ARL15: variants seen among roughly 807,000 people sequenced by gnomAD.
ARL15 encodes ADP-ribosylation factor-like protein 15.
ARL15 carries 19 observed loss-of-function variants against 25.2 expected under a neutral mutation model. That is an observed-to-expected ratio of 0.75 (90% CI 0.53 to 1.10). The LOEUF (loss-of-function observed/expected upper bound fraction) is 1.10, where lower values mean the gene tolerates loss of function less well. ARL15 is among the 50% of genes least tolerant of loss of function. The pLI is 0.00. For missense variants in ARL15, 220 were observed against 246.0 expected, an observed-to-expected ratio of 0.89 and a Z score of 0.71; for synonymous variants, 94 against 86.8, an observed-to-expected ratio of 1.08 and a Z score of -0.46.
chr5:54,304,997 C>A (rs1758718962), intron 1 of ARL15, among the ~76,000 whole-genome samples: 1 of 152,066 alleles, frequency 6.6e-6, no homozygotes. Context: ...TCATGGGTTT[C>A]TATTGTTGGT....
intron 1 of ARL15, among the ~76,000 whole-genome samples, chr5:54,300,943 AC>A (rs1453141392): frequency 6.6e-6 from 1 of 151,992 alleles, no homozygotes; most frequent in East Asian, 1.9e-4. Context: ...AAAACACAGA[AC>A]CCCTGAAGTC....
intron 4 of ARL15, among the ~76,000 whole-genome samples, chr5:54,010,045 A>G (rs180949324): frequency 1.4e-3 from 211 of 152,314 alleles, no homozygotes; most frequent in Admixed American, 2.3e-3. Flanking sequence ...CCACAAAGAA[A>G]GGGAGAATGA....
At chr5:54,202,609 T>C (rs1755754499) in intron 1 of ARL15, among the ~76,000 whole-genome samples, 1 of 152,190 alleles carries the variant, frequency 6.6e-6, no homozygotes, top group Admixed American at 6.6e-5. Context: ...CCACCAGAAC[T>C]GCAAAGTAAT....
chr5:54,127,507 G>T (rs1163319808), intron 3 of ARL15, among the ~76,000 whole-genome samples: 2 of 149,938 alleles, frequency 1.3e-5, no homozygotes, highest in African/African-American at 4.9e-5. Context: ...CACTGCTCAA[G>T]GAAATAAAAG....
intron 4 of ARL15, among the ~76,000 whole-genome samples, chr5:53,892,601 C>CTTTT (rs70986647): frequency 1.4e-5 from 2 of 141,206 alleles, no homozygotes; most frequent in African/African-American, 2.6e-5. Flanking sequence ...ATTACTGTTA[C>CTTTT]TTTTTTTTTT....
intron 4 of ARL15, among the ~76,000 whole-genome samples, chr5:54,071,171 A>C (rs78920658): frequency 2.6e-5 from 2 of 75,782 alleles, no homozygotes; most frequent in Admixed American, 2.2e-4. Flanking sequence ...CCCTGTCTCA[A>C]AAAAAAAAAA....
intron 3 of ARL15, among the ~76,000 whole-genome samples, chr5:54,140,227 T>C (rs1753727214): frequency 7.0e-6 from 1 of 143,736 alleles, no homozygotes; most frequent in Non-Finnish European, 1.5e-5. Context: ...GATTAATTGA[T>C]ATCTAAATAC....
At chr5:53,904,827 C>T (rs1388478084) in intron 4 of ARL15, among the ~76,000 whole-genome samples, 2 of 145,312 alleles carry the variant, frequency 1.4e-5, no homozygotes, top group Non-Finnish European at 3.0e-5. Flanking sequence ...CTCCCGGGTT[C>T]AAGCAATTCT....
At chr5:53,892,544 A>G (rs1408672558) in intron 4 of ARL15, among the ~76,000 whole-genome samples, 1 of 151,784 alleles carries the variant, frequency 6.6e-6, no homozygotes, top group Non-Finnish European at 1.5e-5. Flanking sequence ...AACTATAGGA[A>G]TCATGGTTTT....
chr5:54,205,354 T>C (rs1186065069), intron 1 of ARL15, among the ~76,000 whole-genome samples: 1 of 152,160 alleles, frequency 6.6e-6, no homozygotes, highest in African/African-American at 2.4e-5. Flanking sequence ...ACGAGTCTAA[T>C]CTGCTTTCAA....
At chr5:54,019,566 T>C (rs1749530964) in intron 4 of ARL15, among the ~76,000 whole-genome samples, 2 of 152,218 alleles carry the variant, frequency 1.3e-5, no homozygotes, top group South Asian at 4.1e-4. Flanking sequence ...ATGAAGTCAC[T>C]GAATTATCTC....
intron 4 of ARL15, among the ~76,000 whole-genome samples, chr5:53,919,665 T>A (rs555121718): frequency 6.6e-6 from 1 of 151,876 alleles, no homozygotes; most frequent in Admixed American, 6.6e-5. Flanking sequence ...CATGGTCTAT[T>A]TCTACTGAAT....
At chr5:54,149,033 G>A (rs1753990103) in intron 3 of ARL15, among the ~76,000 whole-genome samples, 1 of 152,094 alleles carries the variant, frequency 6.6e-6, no homozygotes, top group Admixed American at 6.5e-5. Context: ...CTGCAGTGTG[G>A]ACAACTGCTT....
At chr5:53,989,058 T>C (rs1219638303) in intron 4 of ARL15, among the ~76,000 whole-genome samples, 1 of 152,146 alleles carries the variant, frequency 6.6e-6, no homozygotes, top group Non-Finnish European at 1.5e-5. Context: ...ATAACAGGAT[T>C]TGGGGAGGAG....
intron 4 of ARL15, among the ~76,000 whole-genome samples, chr5:53,983,237 C>G (rs1039341798): frequency 3.9e-5 from 6 of 152,210 alleles, no homozygotes; most frequent in Admixed American, 2.0e-4. Context: ...TACTGAAAAA[C>G]TTGTAAACCT....
intron 4 of ARL15, among the ~76,000 whole-genome samples, chr5:54,084,445 C>A (rs887645413): frequency 3.9e-4 from 57 of 146,552 alleles, no homozygotes; most frequent in African/African-American, 1.4e-3. Context: ...AAAAGAGAGA[C>A]TGTAACTTAA....
At chr5:53,920,032 G>A (rs1026282198) in intron 4 of ARL15, among the ~76,000 whole-genome samples, 1 of 152,188 alleles carries the variant, frequency 6.6e-6, no homozygotes. Flanking sequence ...ACTGCCCAGA[G>A]TAGGTGCTCA....
intron 4 of ARL15, among the ~76,000 whole-genome samples, chr5:54,104,266 C>T (rs531442126): frequency 3.7e-4 from 56 of 152,282 alleles, no homozygotes; most frequent in Non-Finnish European, 6.2e-4. Context: ...CACCTTTTCT[C>T]TTTTCATTCT....
chr5:54,215,909 C>T (rs1230032372), intron 1 of ARL15, among the ~76,000 whole-genome samples: 3 of 152,056 alleles, frequency 2.0e-5, no homozygotes, highest in Admixed American at 1.3e-4. Flanking sequence ...ATATTGCATA[C>T]AATATTAAAA....
Sources: gnomAD v4.1 joint callset for allele counts (sites outside exome capture counted in the v4.1 genomes callset) on GRCh38, gnomAD v4.1.1 for gene constraint, MANE v1.5 for transcripts, NCBI Gene and HGNC (gene_info 2026-07-23, HGNC 2026-07-21) for gene names.